TRIM33: variants seen among roughly 807,000 people sequenced by gnomAD.
The protein encoded by TRIM33 is tripartite motif containing 33, also known as E3 ubiquitin-protein ligase TRIM33.
Under a neutral mutation model 125.4 loss-of-function variants are expected in TRIM33, and 20 were observed. That is an observed-to-expected ratio of 0.16 (90% confidence interval 0.11 to 0.23). TRIM33 has a LOEUF of 0.23. TRIM33 is among the 10% of genes least tolerant of loss of function. TRIM33 has a pLI of 1.00. For missense variants in TRIM33, 920 were observed against 1,411.4 expected (o/e 0.65, Z 5.58); for synonymous variants, 564 against 513.9 (o/e 1.10, Z -1.32).
At chr1:114,510,191 G>C (rs566567396) in intron 1 of TRIM33, among the ~76,000 whole-genome samples, 1 of 152,078 alleles carries the variant, frequency 6.6e-6, no homozygotes, top group East Asian at 1.9e-4. Flanking sequence ...CGCTGGCCCG[G>C]GCCCTTTCAG....
chr1:114,416,183 T>G (rs928669638), intron 11 of TRIM33, among the ~76,000 whole-genome samples: 3 of 152,182 alleles, frequency 2.0e-5, no homozygotes, highest in East Asian at 1.9e-4. Flanking sequence ...TATTGAAGAC[T>G]TGGCCTTGAA....
intron 4 of TRIM33, among the ~76,000 whole-genome samples, chr1:114,450,340 T>C (rs72696009): frequency 0.34 from 52,143 of 152,024 alleles, 10,972 homozygotes; most frequent in Non-Finnish European, 0.48. Flanking sequence ...TTTGTTTTGT[T>C]TTGTTTTTGG....
intron 1 of TRIM33, among the ~76,000 whole-genome samples, chr1:114,469,798 GAAGAA>G (rs1344216569): frequency 1.3e-5 from 2 of 152,118 alleles, no homozygotes; most frequent in African/African-American, 4.8e-5. Context: ...ACTTGGCAAT[GAAGAA>G]AAGAGACAAA....
intron 4 of TRIM33, among the ~76,000 whole-genome samples, chr1:114,443,895 G>A (rs1276315763): frequency 6.6e-6 from 1 of 151,774 alleles, no homozygotes; most frequent in Non-Finnish European, 1.5e-5. Context: ...AATGTATGAA[G>A]GTGGAACAAA....
intron 6 of TRIM33, among the ~76,000 whole-genome samples, chr1:114,429,189 A>AC (rs1647780983): frequency 6.7e-6 from 1 of 150,012 alleles, no homozygotes; most frequent in Admixed American, 6.6e-5. Context: ...GCACAAGAGT[A>AC]CTTTTTTTTT....
At chr1:114,464,862 T>G (rs993878167) in intron 1 of TRIM33, among the ~76,000 whole-genome samples, 1 of 152,052 alleles carries the variant, frequency 6.6e-6, no homozygotes, top group Admixed American at 6.6e-5. Flanking sequence ...TGATGCACTT[T>G]ATAGATGAAG....
intron 1 of TRIM33, among the ~76,000 whole-genome samples, chr1:114,476,704 C>T (rs574560197): frequency 1.3e-5 from 2 of 152,140 alleles, no homozygotes; most frequent in South Asian, 4.1e-4. Context: ...AGAAAATACT[C>T]CATGTAACTC....
intron 11 of TRIM33, among the ~76,000 whole-genome samples, chr1:114,414,257 A>C (rs1419655851): frequency 6.6e-6 from 1 of 152,150 alleles, no homozygotes; most frequent in Non-Finnish European, 1.5e-5. Flanking sequence ...AAAGTAGGCA[A>C]ATCTGATAGG....
In TRIM33 at chr1:114,425,649, T is replaced by C; in HGVS notation, c.1495A>G (p.Thr499Ala). 2 of 1,614,168 alleles carry C rather than the reference T, an allele frequency of 1.2e-6. No homozygotes were observed. Among genetic ancestry groups the C allele is most frequent in the Non-Finnish European group, 1.7e-6 (2 of 1,180,032 alleles). Residue 499 changes from threonine to alanine, a missense_variant, in exon 9 of 20, where the codon ACA becomes GCA. By Grantham distance (58) the Thr-to-Ala change is moderately conservative. This residue lies in a region of TRIM33 where 407 missense variants were observed against 589.7 expected (regional missense o/e 0.69). Transcript: ENST00000358465. ...NVVVGQVPPG[T>A]NHISKTPGQI... ...CCAGGGGTTTTACTAATGTGGTTTG[T>C]CCCTGGAGGAACTTGCCCAACTACA...
rs1651969170 is a variant in TRIM33 at position 114,402,638 on chromosome 1, A to G, written c.2892+122T>C. The G allele has an allele frequency of 1.5e-5, 17 of 1,155,684 alleles. No individual in the cohort carries two copies. The South Asian group carries it at 2.5e-4, about 17-fold the overall frequency. The allele number at this position is 1,155,684 out of a possible 1,614,324, so 71.6% of individuals were successfully genotyped here. On this transcript the variant is annotated intron_variant, in intron 16 of 19. Coordinates refer to ENST00000358465, the MANE Select transcript of TRIM33 (RefSeq NM_015906.4). ...TCAGAAATCATCAATATACCATCAG[A>G]TGACAGGATTAAAAATTAAATGTTA... is the stretch of plus-strand genomic sequence containing the variant.
intron 4 of TRIM33, among the ~76,000 whole-genome samples, chr1:114,450,355 A>G (rs192802627): frequency 7.9e-5 from 12 of 152,272 alleles, no homozygotes; most frequent in Admixed American, 5.2e-4. Context: ...TTTTGGAGAC[A>G]AAGTCTCAAT....
chr1:114,410,002 C>T (rs919815533), intron 12 of TRIM33, among the ~76,000 whole-genome samples, 182 bp downstream of exon 12: 21 of 152,122 alleles, frequency 1.4e-4, no homozygotes, highest in African/African-American at 5.1e-4. Flanking sequence ...CCTGCCTCAC[C>T]TCCCTGCCAA....
chr1:114,444,224 A>G (rs2101261040), intron 4 of TRIM33, among the ~76,000 whole-genome samples: 1 of 152,290 alleles, frequency 6.6e-6, no homozygotes, highest in South Asian at 2.1e-4. Flanking sequence ...AGAATGGGGA[A>G]CAGAGGGTAG....
chr1:114,430,307 CA>C (rs1218861681), intron 6 of TRIM33, among the ~76,000 whole-genome samples: 5 of 152,008 alleles, frequency 3.3e-5, no homozygotes, highest in Admixed American at 2.6e-4. Context: ...GTGCAGGACA[CA>C]ATCACAGCTC....
chr1:114,449,226 GA>G (rs1321089649), intron 4 of TRIM33, among the ~76,000 whole-genome samples: 1 of 151,104 alleles, frequency 6.6e-6, no homozygotes, highest in Non-Finnish European at 1.5e-5. Context: ...AGATGTGAAA[GA>G]AAAAAAAAGT....
intron 4 of TRIM33, among the ~76,000 whole-genome samples, chr1:114,450,464 T>A (rs1410756673): frequency 6.6e-6 from 1 of 152,186 alleles, no homozygotes; most frequent in Non-Finnish European, 1.5e-5. Flanking sequence ...CCCGAGTAGC[T>A]GGGACTACAA....
chr1:114,471,624 A>AAAAAC (rs766649307), intron 1 of TRIM33, among the ~76,000 whole-genome samples: 2 of 152,166 alleles, frequency 1.3e-5, no homozygotes, highest in Non-Finnish European at 2.9e-5. Context: ...AGCAACTGCA[A>AAAAAC]AAAACAAAAC....
intron 1 of TRIM33, among the ~76,000 whole-genome samples, chr1:114,500,986 C>A (rs549955877): frequency 1.5e-5 from 1 of 65,882 alleles, no homozygotes; most frequent in African/African-American, 8.2e-5. Context: ...GTCAGGAGAT[C>A]GAGACCATCC....
intron 8 of TRIM33, 67 bp from the exon 9 acceptor site, chr1:114,425,790 C>G (rs1647532889): frequency 6.8e-6 from 8 of 1,174,798 alleles, no homozygotes; most frequent in Middle Eastern, 2.8e-4. Context: ...TGAGTAATCA[C>G]CATGTTTTCC....
Sources: gnomAD v4.1 joint callset for allele counts (sites outside exome capture counted in the v4.1 genomes callset) on GRCh38, gnomAD v4.1.1 for gene constraint, gnomAD v4.1.1 regional missense constraint, MANE v1.5 for transcripts, NCBI Gene and HGNC (gene_info 2026-07-23, HGNC 2026-07-21) for gene names.